Variants in ARHGAP24 observed in about 807,000 individuals in gnomAD.
ARHGAP24 encodes the protein Rho GTPase activating protein 24, also known as rho GTPase-activating protein 24.
ARHGAP24 carries 50 observed loss-of-function variants against 76.4 expected under a neutral mutation model. The observed-to-expected ratio is 0.65, with a 90% CI of 0.52 to 0.83. The LOEUF (loss-of-function observed/expected upper bound fraction) is 0.83, where lower values mean the gene tolerates loss of function less well. Among genes scored for constraint, ARHGAP24 ranks in the 40% least tolerant of loss-of-function variants. The pLI, the probability that ARHGAP24 is intolerant of heterozygous loss-of-function variation, is 0.00. For missense variants in ARHGAP24, 930 were observed against 914.2 expected, an observed-to-expected ratio of 1.02 and a Z score of -0.22; for synonymous variants, 345 against 323.3, an observed-to-expected ratio of 1.07 and a Z score of -0.72.
At chr4:85,667,244 A>G (rs1373264258) in intron 2 of ARHGAP24, among the ~76,000 whole-genome samples, 1 of 151,942 alleles carries the variant, frequency 6.6e-6, no homozygotes, top group African/African-American at 2.4e-5. Context: ...TTGCAGTTTG[A>G]TCTCAAACTG....
intron 1 of ARHGAP24, among the ~76,000 whole-genome samples, chr4:85,495,670 A>G (rs1474666761): frequency 6.6e-6 from 1 of 152,014 alleles, no homozygotes; most frequent in Non-Finnish European, 1.5e-5. Flanking sequence ...TTTTACTATT[A>G]TTAATCAGGA....
intron 6 of ARHGAP24, 37 bp from the exon 7 acceptor site, chr4:85,974,851 G>A: frequency 6.3e-7 from 1 of 1,592,868 alleles, no homozygotes; most frequent in Non-Finnish European, 8.6e-7. Flanking sequence ...AGGCCAACGT[G>A]TAGAAAAATA....
At chr4:85,573,948 C>T (rs1219398025) in intron 2 of ARHGAP24, among the ~76,000 whole-genome samples, 3 of 152,164 alleles carry the variant, frequency 2.0e-5, no homozygotes, top group African/African-American at 4.8e-5. Flanking sequence ...ATGCTTCCAA[C>T]GTAAGAATGT....
chr4:85,934,716 C>T (rs541546373), intron 4 of ARHGAP24, among the ~76,000 whole-genome samples: 13 of 152,092 alleles, frequency 8.5e-5, no homozygotes, highest in South Asian at 2.1e-4. Context: ...GGTTTCATCA[C>T]GTTGGCCAGG....
chr4:85,902,654 A>C (rs1734566184), intron 3 of ARHGAP24, among the ~76,000 whole-genome samples: 1 of 152,076 alleles, frequency 6.6e-6, no homozygotes, highest in Non-Finnish European at 1.5e-5. Flanking sequence ...CCCAGGCTGG[A>C]GTGCAATGGT....
At chr4:85,500,874 A>ACC (rs1213993125) in intron 1 of ARHGAP24, among the ~76,000 whole-genome samples, 2 of 59,582 alleles carry the variant, frequency 3.4e-5, no homozygotes, top group African/African-American at 6.5e-5. Flanking sequence ...CCAGCCTCCC[A>ACC]CCCCCCCACC....
chr4:85,488,224 T>C (rs758067061), intron 1 of ARHGAP24, among the ~76,000 whole-genome samples: 9 of 151,426 alleles, frequency 5.9e-5, no homozygotes, highest in Non-Finnish European at 1.0e-4. Flanking sequence ...CCCTCCGACT[T>C]TTTTTTTGCT....
chr4:85,487,722 AT>A (rs1424373589), intron 1 of ARHGAP24, among the ~76,000 whole-genome samples: 2 of 104,970 alleles, frequency 1.9e-5, no homozygotes, highest in Admixed American at 2.9e-4. Flanking sequence ...ATAAATATAT[AT>A]TTATATTATA....
intron 2 of ARHGAP24, among the ~76,000 whole-genome samples, chr4:85,699,644 C>A (rs2110024615): frequency 6.6e-6 from 1 of 151,762 alleles, no homozygotes; most frequent in East Asian, 1.9e-4. Context: ...ATATCCTTAC[C>A]ACCCTATTTA....
intron 1 of ARHGAP24, among the ~76,000 whole-genome samples, chr4:85,546,362 A>G (rs1450441966): frequency 1.3e-5 from 2 of 152,194 alleles, no homozygotes; most frequent in East Asian, 3.8e-4. Flanking sequence ...TGGCATAGCA[A>G]TTAAATAAAG....
chr4:85,691,885 G>C (rs548640635), intron 2 of ARHGAP24, among the ~76,000 whole-genome samples: 1 of 152,146 alleles, frequency 6.6e-6, no homozygotes, highest in Non-Finnish European at 1.5e-5. Flanking sequence ...TCACCATGTT[G>C]TTAGCTGGTT....
At chr4:85,861,000 G>GCACACACACACACA (rs70948764) in intron 3 of ARHGAP24, among the ~76,000 whole-genome samples, 1 of 137,444 alleles carries the variant, frequency 7.3e-6, no homozygotes, top group African/African-American at 3.0e-5. Flanking sequence ...GTGCATGCAC[G>GCACACACACACACA]CACACACACA....
rs560648756 is a variant in ARHGAP24, at chr4:85,624,886, C to T, written c.180+54165C>T. ...AGAGGTGTTTGCAGTATTCTCTGAT[C>T]GTAGTTTGTATTTCTGTGGGATCGT... On this transcript the variant is annotated intron_variant, in intron 2 of 9. Transcript: ENST00000395184. 9.2e-5 allele frequency among the ~76,000 whole-genome samples: 14 copies of T among 152,200 alleles called. No homozygotes were observed. In the South Asian group the frequency reaches 2.3e-3, roughly 25 times the overall value.
At chr4:85,887,229 CAT>C (rs1354390244) in intron 3 of ARHGAP24, among the ~76,000 whole-genome samples, 3 of 152,036 alleles carry the variant, frequency 2.0e-5, no homozygotes, top group Admixed American at 2.0e-4. Context: ...TTATGTAAGA[CAT>C]CATAATTTTA....
At chr4:85,761,880 A>G (rs1231523455) in intron 3 of ARHGAP24, among the ~76,000 whole-genome samples, 1 of 152,192 alleles carries the variant, frequency 6.6e-6, no homozygotes. Flanking sequence ...CTGAACCAAC[A>G]AATGGTTTTA....
chr4:85,906,724 T>A (rs1734785414), intron 3 of ARHGAP24, among the ~76,000 whole-genome samples: 1 of 152,156 alleles, frequency 6.6e-6, no homozygotes, highest in Admixed American at 6.6e-5. Context: ...TTTTTTTAAA[T>A]AATCATAAGT....
At chr4:85,860,096 A>C (rs1459052656) in intron 3 of ARHGAP24, among the ~76,000 whole-genome samples, 1 of 152,110 alleles carries the variant, frequency 6.6e-6, no homozygotes, top group Non-Finnish European at 1.5e-5. Context: ...AATCAGAACA[A>C]TTGATTTTCT....
At chr4:85,849,386 T>A (rs1024239076) in intron 3 of ARHGAP24, among the ~76,000 whole-genome samples, 16 of 152,268 alleles carry the variant, frequency 1.1e-4, no homozygotes, top group African/African-American at 3.4e-4. Flanking sequence ...AATCATGTTA[T>A]CTGCAAACAG....
intron 4 of ARHGAP24, among the ~76,000 whole-genome samples, chr4:85,940,501 A>G (rs1736894913): frequency 6.6e-6 from 1 of 152,112 alleles, no homozygotes; most frequent in Non-Finnish European, 1.5e-5. Flanking sequence ...ACTATGCCAC[A>G]TGACCACCCC....
Sources: allele counts gnomAD v4.1 joint callset (sites outside exome capture counted in the v4.1 genomes callset), GRCh38; gene constraint gnomAD v4.1.1; transcripts MANE v1.5; gene names NCBI Gene and HGNC (gene_info 2026-07-23, HGNC 2026-07-21).